Variants in SPOCK1 observed in about 807,000 individuals in gnomAD.
SPOCK1 encodes SPARC (osteonectin), cwcv and kazal like domains proteoglycan 1.
A neutral mutation model predicts 55.3 loss-of-function variants in SPOCK1; 23 were observed. The ratio of observed to expected loss-of-function variants is 0.42; its 90% CI spans 0.30 to 0.59. The LOEUF (loss-of-function observed/expected upper bound fraction) is 0.59, where lower values mean the gene tolerates loss of function less well. SPOCK1 is among the 20% of genes least tolerant of loss of function. The pLI, the probability that SPOCK1 is intolerant of heterozygous loss-of-function variation, is 0.22. For synonymous variants in SPOCK1, 226 were observed against 221.0 expected, an observed-to-expected ratio of 1.02 and a Z score of -0.20; for missense variants, 499 against 552.5, an observed-to-expected ratio of 0.90 and a Z score of 0.97.
intron 6 of SPOCK1, among the ~76,000 whole-genome samples, chr5:137,040,694 AC>A (rs1386542982): frequency 6.6e-6 from 1 of 152,132 alleles, no homozygotes; most frequent in Non-Finnish European, 1.5e-5. Context: ...TCATCCTAAA[AC>A]TTTTTTGTTG....
chr5:137,206,526 C>A (rs1755523997), intron 3 of SPOCK1, among the ~76,000 whole-genome samples: 1 of 152,266 alleles, frequency 6.6e-6, no homozygotes, highest in Non-Finnish European at 1.5e-5. Flanking sequence ...ATTTTTCACC[C>A]TGCAATTTAC....
intron 2 of SPOCK1, among the ~76,000 whole-genome samples, chr5:137,497,067 C>T (rs1184008072): frequency 6.6e-6 from 1 of 152,120 alleles, no homozygotes; most frequent in African/African-American, 2.4e-5. Context: ...GGAGAGGGTG[C>T]TCTTTAAAAA....
At chr5:137,071,934 G>A (rs78907386) in intron 5 of SPOCK1, among the ~76,000 whole-genome samples, 1,706 of 152,256 alleles carry the variant, frequency 0.011, 26 homozygotes, top group African/African-American at 0.038. Flanking sequence ...CTCTGTTGTT[G>A]AAGCACCCAG....
intron 3 of SPOCK1, among the ~76,000 whole-genome samples, chr5:137,147,035 G>T (rs777710922): frequency 6.6e-6 from 1 of 152,136 alleles, no homozygotes; most frequent in Non-Finnish European, 1.5e-5. Context: ...AGGTCCTGGG[G>T]ACTTCTTTCT....
intron 3 of SPOCK1, among the ~76,000 whole-genome samples, chr5:137,188,926 A>G (rs922674376): frequency 2.2e-4 from 33 of 152,368 alleles, no homozygotes; most frequent in African/African-American, 7.9e-4. Flanking sequence ...TTGCTGGTAT[A>G]GAGAAAGTTT....
Position 137,380,624 on chromosome 5 carries a change from G to A in SPOCK1, c.187-113569C>T, listed in dbSNP as rs192464324. 4.7e-3 allele frequency among the ~76,000 whole-genome samples: 721 copies of A among 152,288 alleles called. 4 individuals carry two copies. The highest frequency in any genetic ancestry group is 0.027 in the South Asian group (132 of 4,822). On this transcript the variant is annotated intron_variant, in intron 2 of 10. Transcript: ENST00000394945. Reference sequence around the variant, plus strand: ...GAAACCATCTTCACATGGTGGCAGAGGAGAGAGCAAGGGGGGAAGTGCCAA... The same window carrying A: ...GAAACCATCTTCACATGGTGGCAGAAGAGAGAGCAAGGGGGGAAGTGCCAA...
At chr5:137,462,757 G>A (rs1753516292) in intron 2 of SPOCK1, among the ~76,000 whole-genome samples, 1 of 152,216 alleles carries the variant, frequency 6.6e-6, no homozygotes, top group African/African-American at 2.4e-5. Context: ...AAAAGGTTAA[G>A]AGAGTCTGCA....
At chr5:137,360,778 A>T (rs73298716) in intron 2 of SPOCK1, among the ~76,000 whole-genome samples, 5,642 of 152,232 alleles carry the variant, frequency 0.037, 152 homozygotes, top group East Asian at 0.066. Context: ...GGTTTCTCAA[A>T]CTTCCTCCAA....
At chr5:137,083,827 C>T (rs1337752565) in intron 5 of SPOCK1, among the ~76,000 whole-genome samples, 2 of 151,986 alleles carry the variant, frequency 1.3e-5, no homozygotes, top group Non-Finnish European at 2.9e-5. Flanking sequence ...TGCCAGGCTC[C>T]TGTCCCTCCA....
intron 2 of SPOCK1, among the ~76,000 whole-genome samples, chr5:137,364,582 C>CTA (rs1259431837): frequency 6.6e-6 from 1 of 152,198 alleles, no homozygotes; most frequent in East Asian, 1.9e-4. Flanking sequence ...TTGCCTCCAC[C>CTA]TATAGCTTCC....
intron 2 of SPOCK1, among the ~76,000 whole-genome samples, chr5:137,428,056 T>C (rs1488474421): frequency 6.6e-6 from 1 of 152,118 alleles, no homozygotes. Context: ...CCAGAAGTTT[T>C]CCATTTCTGT....
At chr5:137,245,991 T>C (rs1213806354) in intron 3 of SPOCK1, among the ~76,000 whole-genome samples, 1 of 152,204 alleles carries the variant, frequency 6.6e-6, no homozygotes, top group Non-Finnish European at 1.5e-5. Context: ...ATAACACCTA[T>C]TAACAGGACA....
intron 2 of SPOCK1, among the ~76,000 whole-genome samples, chr5:137,346,437 C>G (rs1364069050): frequency 2.6e-5 from 4 of 152,178 alleles, no homozygotes; most frequent in Non-Finnish European, 5.9e-5. Flanking sequence ...CTATAACTCC[C>G]AAGTCAAAAG....
At chr5:137,250,534 G>T (rs1275984236) in intron 3 of SPOCK1, among the ~76,000 whole-genome samples, 3 of 152,084 alleles carry the variant, frequency 2.0e-5, no homozygotes, top group Admixed American at 2.0e-4. Flanking sequence ...ATAGAAGTGG[G>T]GGAAGCCCCA....
intron 3 of SPOCK1, among the ~76,000 whole-genome samples, chr5:137,232,932 C>T (rs1304562811): frequency 6.6e-6 from 1 of 152,196 alleles, no homozygotes; most frequent in Non-Finnish European, 1.5e-5. Context: ...TTATTCCGCA[C>T]TATCATGGAT....
In SPOCK1 at chr5:136,979,371, C is replaced by A; in HGVS notation, c.1090G>T (p.Glu364Ter). The change falls in exon 10 of 11, where the codon GAG (glutamate) becomes TAG (stop). Residue 364 changes from glutamate to a stop codon, truncating the protein, a stop_gained. Transcript: ENST00000394945. LOFTEE classifies it high-confidence loss of function. ...QCWCVDKYGN[E>*]LAGSRKQGAV... ...CCCTGTTTCCTGGAGCCAGCCAACT[C>A]ATTCCCATATTTGTCCACACACCAG... The A allele has an allele frequency of 6.2e-7, 1 of 1,614,178 alleles. No individual in the cohort carries two copies. Among genetic ancestry groups the A allele is most frequent in the Non-Finnish European group, 8.5e-7 (1 of 1,180,010 alleles).
At chr5:137,281,195 C>T (rs1757159805) in intron 2 of SPOCK1, among the ~76,000 whole-genome samples, 2 of 152,136 alleles carry the variant, frequency 1.3e-5, no homozygotes, top group South Asian at 2.1e-4. Context: ...ATAAGGAAGA[C>T]AGCATCACCC....
intron 2 of SPOCK1, among the ~76,000 whole-genome samples, chr5:137,397,376 T>G (rs1361182726): frequency 6.6e-6 from 1 of 152,210 alleles, no homozygotes; most frequent in Non-Finnish European, 1.5e-5. Context: ...GGGCTGTACA[T>G]GTGATCGTAG....
At chr5:137,296,833 A>G (rs1205472663) in intron 2 of SPOCK1, among the ~76,000 whole-genome samples, 2 of 152,214 alleles carry the variant, frequency 1.3e-5, no homozygotes, top group Non-Finnish European at 2.9e-5. Context: ...AAGCCCATGT[A>G]TGGAATAGCA....
Sources: allele counts gnomAD v4.1 joint callset (sites outside exome capture counted in the v4.1 genomes callset), GRCh38; gene constraint gnomAD v4.1.1; transcripts MANE v1.5; gene names NCBI Gene and HGNC (gene_info 2026-07-23, HGNC 2026-07-21).